HSD17B12: variants seen among roughly 807,000 people sequenced by gnomAD.
The protein encoded by HSD17B12 is hydroxysteroid 17-beta dehydrogenase 12.
Under a neutral mutation model 39.3 loss-of-function variants are expected in HSD17B12, and 32 were observed. That is an observed-to-expected ratio of 0.81 (90% CI 0.61 to 1.09). The LOEUF (loss-of-function observed/expected upper bound fraction) is 1.09, where lower values mean the gene tolerates loss of function less well. Ranked by LOEUF, HSD17B12 falls within the 50% of genes least tolerant of loss-of-function variation. The pLI, the probability that HSD17B12 is intolerant of heterozygous loss-of-function variation, is 0.00. For synonymous variants in HSD17B12, 150 were observed against 146.7 expected (o/e 1.02, Z -0.16); for missense variants, 342 against 382.9 (o/e 0.89, Z 0.89).
chr11:43,853,492 TG>T (rs1662602744), intron 9 of HSD17B12: 1 of 152,210 alleles, frequency 6.6e-6, no homozygotes, highest in African/African-American at 2.4e-5. Flanking sequence ...TTTTCTTTAA[TG>T]GAAGTGTCAT....
At chr11:43,648,477 A>C in the HSD17B12 span, among the ~76,000 whole-genome samples, 3 of 152,114 alleles carry the variant, frequency 2.0e-5, no homozygotes, top group Non-Finnish European at 2.9e-5. Flanking sequence ...AACAGTCTTT[A>C]GACAATGAAG....
At chr11:43,661,972 G>T in the HSD17B12 span, among the ~76,000 whole-genome samples, 1 of 152,134 alleles carries the variant, frequency 6.6e-6, no homozygotes, top group Non-Finnish European at 1.5e-5. Context: ...GGATTTTTGT[G>T]ACATATAAAT....
At chr11:43,683,839 T>A (rs1361686824) in intron 1 of HSD17B12, among the ~76,000 whole-genome samples, 1 of 152,192 alleles carries the variant, frequency 6.6e-6, no homozygotes, top group Non-Finnish European at 1.5e-5. Context: ...CTTAGTCTCT[T>A]CATGTGAGTA....
chr11:43,731,288 C>T (rs1187964122), intron 1 of HSD17B12, among the ~76,000 whole-genome samples: 2 of 152,188 alleles, frequency 1.3e-5, no homozygotes, highest in African/African-American at 2.4e-5. Context: ...TGAGCCACTG[C>T]GCCCAGCCTA....
At chr11:43,695,068 C>T (rs1949897797) in intron 1 of HSD17B12, among the ~76,000 whole-genome samples, 1 of 151,998 alleles carries the variant, frequency 6.6e-6, no homozygotes, top group Non-Finnish European at 1.5e-5. Context: ...TGTCTGTAAT[C>T]CCAGCCATTT....
the HSD17B12 span, among the ~76,000 whole-genome samples, chr11:43,598,633 C>A: frequency 6.6e-6 from 1 of 152,140 alleles, no homozygotes; most frequent in Non-Finnish European, 1.5e-5. Context: ...CTAGGATTCC[C>A]ATCATTGTCC....
At chr11:43,835,425 G>C (rs1302333507) in intron 7 of HSD17B12, among the ~76,000 whole-genome samples, 1 of 152,118 alleles carries the variant, frequency 6.6e-6, no homozygotes, top group South Asian at 2.1e-4. Context: ...ATTGAGGCAG[G>C]CTACACCAGT....
In HSD17B12 at chr11:43,827,573, G is replaced by A. The variant is rs1028962102; in HGVS notation, c.502-3403G>A. ...CTAATTGTAAAAACAATGCAAGATT[G>A]TTGCCAAAAGTATGAGAAATATATA... On this transcript the variant is annotated intron_variant, in intron 6 of 10. Transcript: ENST00000278353. 5.9e-5 allele frequency among the ~76,000 whole-genome samples: 9 copies of A among 152,146 alleles called. No individual in the cohort carries two copies. In the South Asian group the frequency reaches 1.0e-3, roughly 17 times the overall value.
chr11:43,582,350 A>T, the HSD17B12 span, among the ~76,000 whole-genome samples: 2 of 152,038 alleles, frequency 1.3e-5, no homozygotes, highest in East Asian at 1.9e-4. Flanking sequence ...GCTGCAGGAG[A>T]GGGGAGAGTC....
chr11:43,581,188 C>T, the HSD17B12 span, among the ~76,000 whole-genome samples: 21 of 152,234 alleles, frequency 1.4e-4, no homozygotes, highest in African/African-American at 5.1e-4. The surrounding 1 kb of genome is among the most constrained non-coding windows in gnomAD (Gnocchi z 4.9). Flanking sequence ...GCCCTCCACA[C>T]ACTTCTCTCG....
upstream of HSD17B12, among the ~76,000 whole-genome samples, chr11:43,679,163 T>C (rs564520141): frequency 7.2e-5 from 11 of 152,334 alleles, no homozygotes; most frequent in South Asian, 2.3e-3. Context: ...CCCTTGTAAG[T>C]TGGATTCCTA....
intron 9 of HSD17B12, among the ~76,000 whole-genome samples, chr11:43,851,018 G>A (rs373291746): frequency 6.6e-6 from 1 of 152,176 alleles, no homozygotes; most frequent in Non-Finnish European, 1.5e-5. Context: ...CCGAGATGGC[G>A]CCACTGCACT....
At chr11:43,733,296 C>T (rs1950286358) in intron 1 of HSD17B12, among the ~76,000 whole-genome samples, 1 of 152,102 alleles carries the variant, frequency 6.6e-6, no homozygotes, top group African/African-American at 2.4e-5. Flanking sequence ...AGTCATTTAA[C>T]CTCTCTGAGA....
At chr11:43,611,078 A>G in the HSD17B12 span, among the ~76,000 whole-genome samples, 15 of 152,290 alleles carry the variant, frequency 9.8e-5, no homozygotes, top group South Asian at 4.1e-4. Context: ...CAGACTATCT[A>G]TTTGGTATAT....
the HSD17B12 span, among the ~76,000 whole-genome samples, chr11:43,567,359 A>G: frequency 3.3e-5 from 5 of 152,166 alleles, no homozygotes; most frequent in Non-Finnish European, 5.9e-5. Flanking sequence ...ATGGAGCCCA[A>G]GAGTTGAACC....
chr11:43,760,635 A>G (rs1215880147), intron 3 of HSD17B12, among the ~76,000 whole-genome samples: 1 of 152,208 alleles, frequency 6.6e-6, no homozygotes, highest in Non-Finnish European at 1.5e-5. Context: ...TTAAATTTCT[A>G]TAGTTAAGAT....
chr11:43,838,243 A>G, intron 7 of HSD17B12, 74 bp from the exon 8 acceptor site: 1 of 973,598 alleles, frequency 1.0e-6, no homozygotes, highest in Non-Finnish European at 1.7e-6. Context: ...ATAATTATAT[A>G]TCTCAATCTG....
At chr11:43,734,245 G>A in intron 1 of HSD17B12, 1 of 1,383,154 alleles carries the variant, frequency 7.2e-7, no homozygotes, top group Non-Finnish European at 1.0e-6. Context: ...GGTTCATCCT[G>A]GACTACGTGT....
At chr11:43,614,144 A>C in the HSD17B12 span, among the ~76,000 whole-genome samples, 1 of 152,160 alleles carries the variant, frequency 6.6e-6, no homozygotes, top group African/African-American at 2.4e-5. Flanking sequence ...GTTTTTATTC[A>C]GCTCCAAAGG....
Sources: gnomAD v4.1 joint callset for allele counts (sites outside exome capture counted in the v4.1 genomes callset) on GRCh38, gnomAD v4.1.1 for gene constraint, Gnocchi (gnomAD v3.1) non-coding constraint, MANE v1.5 for transcripts, NCBI Gene and HGNC (gene_info 2026-07-23, HGNC 2026-07-21) for gene names.